Variants in EEF1G observed in about 807,000 individuals in gnomAD.
EEF1G encodes the protein eukaryotic translation elongation factor 1 gamma.
A neutral mutation model predicts 58.3 loss-of-function variants in EEF1G; 14 were observed. The ratio of observed to expected loss-of-function variants is 0.24; its 90% confidence interval spans 0.16 to 0.38. EEF1G has a LOEUF of 0.38. EEF1G is among the 10% of genes least tolerant of loss of function. The pLI is 1.00. For missense variants in EEF1G, 322 were observed against 550.1 expected, an observed-to-expected ratio of 0.59 and a Z score of 4.15; for synonymous variants, 180 against 206.8, an observed-to-expected ratio of 0.87 and a Z score of 1.11.
At chr11:62,563,136 T>A (rs1175882272) in intron 7 of EEF1G, among the ~76,000 whole-genome samples, 1 of 149,224 alleles carries the variant, frequency 6.7e-6, no homozygotes, top group African/African-American at 2.6e-5. Flanking sequence ...TTTTTTTTTA[T>A]TTTTCCTTGA....
At chr11:62,572,516 C>T (rs562040486) in intron 2 of EEF1G, 68 bp downstream of exon 2, 10 of 1,590,254 alleles carry the variant, frequency 6.3e-6, no homozygotes, top group Non-Finnish European at 7.7e-6. Context: ...GGGGCCACCA[C>T]CAGAGTGACA....
intron 4 of EEF1G, 76 bp from the exon 5 acceptor site, chr11:62,571,184 G>C: frequency 6.3e-7 from 1 of 1,596,228 alleles, no homozygotes. Context: ...ATAGAACTAA[G>C]AGGGCTATTT....
In EEF1G at chr11:62,569,527, T is replaced by C. The variant is rs992763884; in HGVS notation, c.522+1438A>G. 5.9e-5 allele frequency among the ~76,000 whole-genome samples: 9 copies of C among 152,308 alleles called. No homozygotes were observed. The East Asian group carries it at 1.5e-3, about 26-fold the overall frequency. On this transcript the variant is annotated intron_variant, in intron 5 of 9. Coordinates refer to ENST00000329251, the MANE Select transcript of EEF1G (RefSeq NM_001404.5). Reference sequence around the variant, plus strand: ...ACAGTCCTTCAAATTAAACTTAGTGTCTGGTGTATTAAGCATGGTCAAAGA... The same window carrying C: ...ACAGTCCTTCAAATTAAACTTAGTGCCTGGTGTATTAAGCATGGTCAAAGA...
chr11:62,572,024 T>C, intron 2 of EEF1G, 123 bp from the exon 3 acceptor site: 1 of 830,662 alleles, frequency 1.2e-6, no homozygotes, highest in Non-Finnish European at 2.0e-6. Context: ...TCCAAACTCT[T>C]GATACTCAAG....
intron 7 of EEF1G, among the ~76,000 whole-genome samples, chr11:62,561,680 AAC>A (rs1253146384): frequency 1.5e-4 from 4 of 26,328 alleles, no homozygotes; most frequent in Non-Finnish European, 4.3e-4. Context: ...ACAAAAAAAA[AAC>A]AAAAAAAAAA....
rs1170247235 is a variant in EEF1G, at chr11:62,567,410, G to A, written c.641C>T (p.Ala214Val). ...CTCCTCAGACTCACCATCAAACTGGGCCATCTTCTCACACAGTTTCACTTC... is the reference window on the plus strand; with the variant it reads ...CTCCTCAGACTCACCATCAAACTGGACCATCTTCTCACACAGTTTCACTTC... ...LGEVKLCEKM[A>V]QFDAKKFAET... The change falls in exon 6 of 10, where the codon GCC (alanine) becomes GTC (valine). Residue 214 changes from alanine (A) to valine (V), a missense_variant. Coordinates refer to ENST00000329251, the MANE Select transcript of EEF1G (RefSeq NM_001404.5). The A allele has an allele frequency of 6.2e-7, 1 of 1,611,962 alleles. No individual in the cohort carries two copies. Among genetic ancestry groups the A allele is most frequent in the Non-Finnish European group, 8.5e-7 (1 of 1,178,892 alleles).
chr11:62,560,425 T>C lies in EEF1G; in HGVS notation c.887A>G (p.Lys296Arg), dbSNP rs1183911827. 1.2e-6 allele frequency: 2 copies of C among 1,610,096 alleles called. No individual in the cohort carries two copies. Among genetic ancestry groups the C allele is most frequent in the African/African-American group, 1.3e-5 (1 of 74,864 alleles). Residue 296 changes from lysine (K) to arginine (R), a missense_variant, in exon 8 of 10, where the codon AAG becomes AGG. Physicochemically the swap from Lys to Arg is conservative, Grantham distance 26. This residue lies in a region of EEF1G where 208 missense variants were observed against 323.7 expected (regional missense o/e 0.64). Coordinates refer to ENST00000329251, the MANE Select transcript of EEF1G (RefSeq NM_001404.5). ...STFVLDEFKR[K>R]YSNEDTLSVA... ...AGAGAGTGTGTCCTCATTGGAGTAC[T>C]TGCGCTTAAATTCATCCAACACAAA... is the stretch of plus-strand genomic sequence containing the variant.
intron 5 of EEF1G, among the ~76,000 whole-genome samples, chr11:62,569,404 G>A (rs1022387597): frequency 1.1e-4 from 16 of 152,154 alleles, no homozygotes; most frequent in Non-Finnish European, 2.2e-4. Context: ...AACCTGGGAG[G>A]TGGAGGTTGC....
In EEF1G at chr11:62,573,713, A is replaced by T. The variant is rs1941665945; in HGVS notation, c.12+118T>A. On this transcript the variant is annotated intron_variant, in intron 1 of 9. Coordinates refer to ENST00000329251, the MANE Select transcript of EEF1G (RefSeq NM_001404.5). The stretch of plus-strand genomic sequence containing the variant: ...CCTACTCTCCAGCAGTACAGTCTGT[A>T]GACCCCCGAATCAGTTCCCCACTCA... The T allele has an allele frequency of 2.1e-6, 3 of 1,416,602 alleles. No individual in the cohort carries two copies. The East Asian group carries it at 7.1e-5, about 34-fold the overall frequency. The allele number at this position is 1,416,602 out of a possible 1,614,324, so 87.8% of individuals were successfully genotyped here. A position where few individuals can be genotyped will look rare whatever the true frequency, so the allele number is the denominator to read the frequency against.
intron 5 of EEF1G, among the ~76,000 whole-genome samples, chr11:62,570,308 C>T (rs528681796): frequency 2.6e-5 from 4 of 151,982 alleles, no homozygotes; most frequent in African/African-American, 9.7e-5. Flanking sequence ...GTGATCCACC[C>T]GCCTAGGCCT....
At chr11:62,561,682 C>CAAAAAAAAAAAAAAAAAAAAA (rs58957254) in intron 7 of EEF1G, among the ~76,000 whole-genome samples, 1 of 124,608 alleles carries the variant, frequency 8.0e-6, no homozygotes, top group Non-Finnish European at 1.7e-5. Flanking sequence ...AAAAAAAAAA[C>CAAAAAAAAAAAAAAAAAAAAA]AAAAAAAAAA....
intron 7 of EEF1G, among the ~76,000 whole-genome samples, chr11:62,563,983 C>G (rs1941528191): frequency 6.6e-6 from 1 of 151,974 alleles, no homozygotes; most frequent in Admixed American, 6.6e-5. Flanking sequence ...CTCAGTCACC[C>G]AAGTGCAGGG....
chr11:62,568,688 G>T (rs117040370), intron 5 of EEF1G, among the ~76,000 whole-genome samples: 1 of 151,974 alleles, frequency 6.6e-6, no homozygotes, highest in Admixed American at 6.6e-5. Flanking sequence ...AATTTCAAAC[G>T]TCGGCCAGGA....
intron 5 of EEF1G, among the ~76,000 whole-genome samples, chr11:62,569,107 C>CG (rs1941594094): frequency 6.6e-6 from 1 of 152,078 alleles, no homozygotes; most frequent in Non-Finnish European, 1.5e-5. Context: ...ACACACCCCC[C>CG]ACACCCACCC....
At chr11:62,570,875 T>A in intron 5 of EEF1G, 90 bp downstream of exon 5, 1 of 1,564,862 alleles carries the variant, frequency 6.4e-7, no homozygotes. Context: ...TTCCAAGTCC[T>A]CAGCAGAATA....
chr11:62,562,330 T>A (rs1941505767), intron 7 of EEF1G, among the ~76,000 whole-genome samples: 1 of 152,170 alleles, frequency 6.6e-6, no homozygotes, highest in African/African-American at 2.4e-5. Flanking sequence ...AATAAAGGAC[T>A]CTTAATTCGT....
At chr11:62,562,269 T>TC (rs1941504808) in intron 7 of EEF1G, among the ~76,000 whole-genome samples, 1 of 152,170 alleles carries the variant, frequency 6.6e-6, no homozygotes, top group East Asian at 1.9e-4. Flanking sequence ...TCAAGCCCCT[T>TC]CCTCAGGGCC....
At chr11:62,560,688 G>C (rs983665711) in intron 7 of EEF1G, among the ~76,000 whole-genome samples, 2 of 152,188 alleles carry the variant, frequency 1.3e-5, no homozygotes, top group African/African-American at 4.8e-5. Context: ...GTGGGACTCT[G>C]AGACCTGCCC....
At chr11:62,571,796 C>T (rs1351492219) in intron 3 of EEF1G, 42 bp downstream of exon 3, 4 of 1,571,282 alleles carry the variant, frequency 2.5e-6, no homozygotes, top group Non-Finnish European at 1.7e-6. Context: ...CCTACACCCT[C>T]ACCTCCAAAT....
Sources: allele counts gnomAD v4.1 joint callset (sites outside exome capture counted in the v4.1 genomes callset), GRCh38; gene constraint gnomAD v4.1.1; regional missense constraint gnomAD v4.1.1; transcripts MANE v1.5; gene names NCBI Gene and HGNC (gene_info 2026-07-23, HGNC 2026-07-21).